Variants in CSMD1 observed in about 807,000 individuals in gnomAD.
CSMD1 encodes CUB and Sushi multiple domains 1.
CSMD1 carries 213 observed loss-of-function variants against 417.5 expected under a neutral mutation model. That is an observed-to-expected ratio of 0.51 (90% CI 0.46 to 0.57). The LOEUF (loss-of-function observed/expected upper bound fraction) is 0.57. Ranked by LOEUF, CSMD1 falls within the 20% of genes least tolerant of loss-of-function variation. The pLI, the probability that CSMD1 is intolerant of heterozygous loss-of-function variation, is 0.00. For missense variants in CSMD1, 6,923 were observed against 4,529.7 expected (o/e 1.53, Z -15.17); for synonymous variants, 2,862 against 1,736.8 (o/e 1.65, Z -16.11).
In CSMD1 at chr8:4,140,036, T is replaced by C. The variant is rs185564493; in HGVS notation, c.416-107937A>G. 9.9e-5 allele frequency among the ~76,000 whole-genome samples: 15 copies of C among 151,034 alleles called. No homozygotes were observed. The East Asian group carries it at 2.9e-3, about 29-fold the overall frequency. On this transcript the variant is annotated intron_variant, in intron 3 of 69. Coordinates refer to ENST00000635120, the MANE Select transcript of CSMD1 (RefSeq NM_033225.6). ...CCTGACCTCAATTTGCCTGGAAGGA[T>C]AGAAGACACATTTGATTATTAAAAA...
intron 63 of CSMD1, among the ~76,000 whole-genome samples, chr8:2,956,368 C>T (rs1232979846): frequency 6.6e-6 from 1 of 151,884 alleles, no homozygotes; most frequent in Admixed American, 6.6e-5. Flanking sequence ...TCACTCCATT[C>T]CTTATAAAGT....
intron 2 of CSMD1, among the ~76,000 whole-genome samples, chr8:4,514,465 T>G (rs1179583042): frequency 6.6e-6 from 1 of 152,114 alleles, no homozygotes; most frequent in Admixed American, 6.5e-5. Context: ...TTAAGTAGCA[T>G]CCTGATGATT....
intron 3 of CSMD1, among the ~76,000 whole-genome samples, chr8:4,205,714 G>T (rs531415681): frequency 7.9e-6 from 1 of 126,480 alleles, no homozygotes; most frequent in East Asian, 2.0e-4. Flanking sequence ...AATAATAGAG[G>T]TTTATTTCAG....
intron 1 of CSMD1, among the ~76,000 whole-genome samples, chr8:4,745,205 C>T (rs1476191563): frequency 6.6e-6 from 1 of 152,012 alleles, no homozygotes; most frequent in African/African-American, 2.4e-5. Context: ...TGTATACATA[C>T]AAAGTTATAG....
At chr8:3,128,109 C>A (rs2129024649) in intron 41 of CSMD1, 1 of 152,210 alleles carries the variant, frequency 6.6e-6, no homozygotes, top group Middle Eastern at 3.4e-3. Context: ...AAGCCCAAGG[C>A]AATACCAACA....
At chr8:3,647,270 C>G (rs1797621843) in intron 7 of CSMD1, among the ~76,000 whole-genome samples, 1 of 152,132 alleles carries the variant, frequency 6.6e-6, no homozygotes, top group Non-Finnish European at 1.5e-5. Context: ...AAAAGGAGAC[C>G]AGGGTGGCAG....
At chr8:3,944,561 T>A (rs1811098690) in intron 5 of CSMD1, among the ~76,000 whole-genome samples, 1 of 152,162 alleles carries the variant, frequency 6.6e-6, no homozygotes, top group Non-Finnish European at 1.5e-5. Context: ...AAATTTAAAT[T>A]GTCTACAACT....
chr8:3,053,308 A>G (rs1266480554), intron 49 of CSMD1, among the ~76,000 whole-genome samples: 3 of 152,164 alleles, frequency 2.0e-5, no homozygotes, highest in Admixed American at 2.0e-4. Context: ...ACTTCATCTC[A>G]TATTGGAAAG....
chr8:4,448,563 C>T (rs1264797855), intron 2 of CSMD1, among the ~76,000 whole-genome samples: 1 of 152,172 alleles, frequency 6.6e-6, no homozygotes, highest in Non-Finnish European at 1.5e-5. Flanking sequence ...TGAAATCTAA[C>T]ATTTTTCCTT....
rs532301259 is a variant in CSMD1, at chr8:3,523,009, ACACACC to A, written c.1345-29289_1345-29284del. Among the ~76,000 whole-genome samples, 999 of 114,556 alleles carry A rather than the reference ACACACC, an allele frequency of 8.7e-3. 10 individuals are homozygous for A. The highest frequency in any genetic ancestry group is 0.034 in the African/African-American group (927 of 27,552). The allele number at this position is 114,556 out of a possible 152,430, so 75.2% of individuals were successfully genotyped here. ...ATACAAAATGGAGATACATATATAC[ACACACC>A]CACACACACACACACACACACACAC... On this transcript the variant is annotated intron_variant, in intron 10 of 69. Coordinates refer to ENST00000635120, the MANE Select transcript of CSMD1 (RefSeq NM_033225.6).
At chr8:4,613,671 G>C (rs1392683499) in intron 2 of CSMD1, among the ~76,000 whole-genome samples, 1 of 152,094 alleles carries the variant, frequency 6.6e-6, no homozygotes, top group African/African-American at 2.4e-5. Context: ...TGCAAAAAAT[G>C]TCAATTTTCC....
intron 1 of CSMD1, among the ~76,000 whole-genome samples, chr8:4,823,096 T>A (rs947478271): frequency 1.5e-4 from 23 of 152,108 alleles, no homozygotes; most frequent in African/African-American, 5.6e-4. Flanking sequence ...GATGTCTTGA[T>A]ACAGCATGAA....
At position 3,727,358 on chromosome 8, in the gene CSMD1, G is replaced by T. The variant is rs568888289; in HGVS notation, c.932-18867C>A. Among the ~76,000 whole-genome samples the T allele has an allele frequency of 2.6e-5, 4 of 152,298 alleles. No homozygotes were observed. In the South Asian group the frequency reaches 6.2e-4, roughly 24 times the overall value. On this transcript the variant is annotated intron_variant, in intron 6 of 69. Coordinates refer to ENST00000635120, the MANE Select transcript of CSMD1 (RefSeq NM_033225.6). ...TGCAGTTCCCATAAATATACCTACA[G>T]AGGGTGCCAGAGAGCTGGCAGCCCC...
At chr8:4,000,874 A>T (rs929552605) in intron 4 of CSMD1, among the ~76,000 whole-genome samples, 1 of 152,158 alleles carries the variant, frequency 6.6e-6, no homozygotes, top group Admixed American at 6.5e-5. Flanking sequence ...AGAAGATAAA[A>T]TATCATAGAT....
In CSMD1 at chr8:4,788,325, A is replaced by ATGTC. The variant is rs1265871691; in HGVS notation, c.86-150771_86-150768dup. The ATGTC allele has an allele frequency of 3.2e-6, 5 of 1,562,794 alleles. No individual in the cohort carries two copies. In the African/African-American group the frequency reaches 6.8e-5, roughly 21 times the overall value. On this transcript the variant is annotated intron_variant, in intron 1 of 69. Coordinates refer to ENST00000635120, the MANE Select transcript of CSMD1 (RefSeq NM_033225.6). ...CAGAAGTAATGGTTTGGGACCAGTG[A>ATGTC]TGTCTGGGAACACTGCATATCCAGT... is the stretch of plus-strand genomic sequence containing the variant.
intron 12 of CSMD1, among the ~76,000 whole-genome samples, chr8:3,458,854 G>C (rs1039980839): frequency 6.6e-5 from 10 of 152,152 alleles, no homozygotes; most frequent in Admixed American, 4.6e-4. Context: ...AGGACTCGAG[G>C]ACACACAAAA....
intron 5 of CSMD1, among the ~76,000 whole-genome samples, chr8:3,848,062 G>C (rs1315517492): frequency 7.2e-6 from 1 of 138,870 alleles, no homozygotes; most frequent in Admixed American, 7.1e-5. Context: ...TACCATCCTG[G>C]TGATATTTCT....
intron 1 of CSMD1, among the ~76,000 whole-genome samples, chr8:4,861,050 T>C (rs957399958): frequency 6.6e-6 from 1 of 152,152 alleles, no homozygotes; most frequent in African/African-American, 2.4e-5. Flanking sequence ...CCTTTTCCTC[T>C]AAAAGCTCCT....
intron 2 of CSMD1, among the ~76,000 whole-genome samples, chr8:4,433,143 G>C (rs967887726): frequency 2.6e-5 from 4 of 152,150 alleles, no homozygotes; most frequent in Non-Finnish European, 5.9e-5. Flanking sequence ...AGAAAAACAA[G>C]CTCAGAGCTC....
Sources: allele counts gnomAD v4.1 joint callset (sites outside exome capture counted in the v4.1 genomes callset), GRCh38; gene constraint gnomAD v4.1.1; transcripts MANE v1.5; gene names NCBI Gene and HGNC (gene_info 2026-07-23, HGNC 2026-07-21).